The following ELOVL6 variants were observed in gnomAD, a reference collection of about 807,000 sequenced individuals.
ELOVL6 encodes very long chain fatty acid elongase 6.
In ELOVL6, 8 loss-of-function variants were observed where a neutral mutation model predicts 31.7. The observed-to-expected ratio is 0.25, with a 90% CI of 0.15 to 0.45. ELOVL6 has a LOEUF of 0.45. ELOVL6 is among the 20% of genes least tolerant of loss of function. The probability of loss-of-function intolerance (pLI) is 1.00; values close to 1 mark genes in which losing one functional copy is unlikely to be tolerated. For synonymous variants in ELOVL6, 101 were observed against 117.7 expected (o/e 0.86, Z 0.92); for missense variants, 126 against 326.4 (o/e 0.39, Z 4.73).
chr4:110,110,325 C>T (rs1242705182), intron 1 of ELOVL6, among the ~76,000 whole-genome samples: 1 of 151,462 alleles, frequency 6.6e-6, no homozygotes, highest in East Asian at 1.9e-4. Context: ...CTTAATTCTG[C>T]CACATTCTTA....
intron 1 of ELOVL6, among the ~76,000 whole-genome samples, chr4:110,168,638 T>C (rs116288030): frequency 5.9e-5 from 9 of 152,326 alleles, no homozygotes; most frequent in African/African-American, 1.9e-4. Context: ...CATATGCTTT[T>C]CAAAATATCA....
intron 2 of ELOVL6, among the ~76,000 whole-genome samples, chr4:110,087,034 G>A (rs1268452478): frequency 6.6e-6 from 1 of 152,052 alleles, no homozygotes; most frequent in African/African-American, 2.4e-5. Flanking sequence ...GAAATTTAGG[G>A]AAACACCTGT....
intron 1 of ELOVL6, among the ~76,000 whole-genome samples, chr4:110,175,527 A>G (rs1759077189): frequency 6.6e-6 from 1 of 152,234 alleles, no homozygotes. Flanking sequence ...CATCAATGAT[A>G]ACAACATAAC....
chr4:110,053,355 T>A (rs1754885890), intron 3 of ELOVL6, among the ~76,000 whole-genome samples: 1 of 152,178 alleles, frequency 6.6e-6, no homozygotes, highest in Non-Finnish European at 1.5e-5. Flanking sequence ...CTCAGCAAGG[T>A]CAAAGAATGC....
chr4:110,140,777 T>TTA (rs1757930367), intron 1 of ELOVL6, among the ~76,000 whole-genome samples: 1 of 150,574 alleles, frequency 6.6e-6, no homozygotes, highest in Non-Finnish European at 1.5e-5. Context: ...TATATTATTA[T>TTA]TATATATATA....
At chr4:110,132,699 G>A (rs1757703329) in intron 1 of ELOVL6, among the ~76,000 whole-genome samples, 1 of 152,076 alleles carries the variant, frequency 6.6e-6, no homozygotes, top group African/African-American at 2.4e-5. Flanking sequence ...AATTAGCTGA[G>A]TGTGGTCGTG....
intron 1 of ELOVL6, among the ~76,000 whole-genome samples, chr4:110,158,304 T>C (rs1390972323): frequency 6.6e-6 from 1 of 152,118 alleles, no homozygotes; most frequent in African/African-American, 2.4e-5. Flanking sequence ...GCACAGTCTA[T>C]AATTCAATAA....
intron 1 of ELOVL6, chr4:110,117,903 A>AAATATATATAT: frequency 9.2e-4 from 6 of 6,494 alleles, no homozygotes; most frequent in African/African-American, 2.0e-3. Context: ...AAAAAAAAAA[A>AAATATATATAT]ATATATATAT....
intron 1 of ELOVL6, among the ~76,000 whole-genome samples, chr4:110,169,949 C>T (rs1473879874): frequency 1.3e-5 from 2 of 150,816 alleles, no homozygotes; most frequent in Non-Finnish European, 2.9e-5. Context: ...GGACTAAAGG[C>T]GTGTGACACC....
intron 2 of ELOVL6, among the ~76,000 whole-genome samples, chr4:110,084,134 A>AATGATATATATGATATATATAACATATAT (rs1756049165): frequency 2.2e-5 from 1 of 45,960 alleles, no homozygotes; most frequent in African/African-American, 1.8e-4. Flanking sequence ...TATATGTGAT[A>AATGATATATATGATATATATAACATATAT]ATGATATATA....
chr4:110,084,394 G>GC (rs1756122423), intron 2 of ELOVL6, among the ~76,000 whole-genome samples: 1 of 41,162 alleles, frequency 2.4e-5, no homozygotes, highest in African/African-American at 7.6e-5. Context: ...TCGCATATAT[G>GC]ATATATGATA....
intron 1 of ELOVL6, among the ~76,000 whole-genome samples, chr4:110,190,324 G>T (rs1002517340): frequency 6.6e-6 from 1 of 152,042 alleles, no homozygotes; most frequent in East Asian, 1.9e-4. Context: ...ACTCAGCAAA[G>T]GGTTTCCTAG....
chr4:110,173,643 T>C (rs929071401), intron 1 of ELOVL6, among the ~76,000 whole-genome samples: 6 of 140,624 alleles, frequency 4.3e-5, no homozygotes, highest in African/African-American at 1.6e-4. Context: ...AGGTGGCCTT[T>C]TGCAGAACTA....
chr4:110,190,206 A>C (rs1198327752), intron 1 of ELOVL6, among the ~76,000 whole-genome samples: 2 of 152,150 alleles, frequency 1.3e-5, no homozygotes, highest in African/African-American at 2.4e-5. Context: ...TTATCTCAGC[A>C]AATTTATCTT....
intron 1 of ELOVL6, among the ~76,000 whole-genome samples, chr4:110,111,135 T>C (rs996806230): frequency 5.9e-4 from 90 of 152,314 alleles, no homozygotes; most frequent in African/African-American, 1.9e-3. Flanking sequence ...TAGAAGCAGA[T>C]TGGACACAGA....
chr4:110,100,595 T>C (rs544303152), intron 2 of ELOVL6, among the ~76,000 whole-genome samples: 88 of 152,336 alleles, frequency 5.8e-4, no homozygotes, highest in Non-Finnish European at 1.1e-3. Context: ...ACTGGGTCCC[T>C]GGCTACAGTT....
intron 2 of ELOVL6, among the ~76,000 whole-genome samples, chr4:110,095,778 C>G (rs545013054): frequency 1.3e-5 from 2 of 150,362 alleles, no homozygotes; most frequent in Admixed American, 1.3e-4. Context: ...TGTGAACTGA[C>G]AAAGACCATA....
At chr4:110,090,837 T>C (rs993291693) in intron 2 of ELOVL6, among the ~76,000 whole-genome samples, 1 of 152,008 alleles carries the variant, frequency 6.6e-6, no homozygotes, top group African/African-American at 2.4e-5. Context: ...TCTCCTGACT[T>C]TGCGATCCAC....
At chr4:110,140,957 G>GA (rs1163321626) in intron 1 of ELOVL6, among the ~76,000 whole-genome samples, 1 of 152,040 alleles carries the variant, frequency 6.6e-6, no homozygotes, top group Non-Finnish European at 1.5e-5. Flanking sequence ...CGTGGCTGGG[G>GA]AGGCCTCACA....
Sources: gnomAD v4.1 joint callset for allele counts (sites outside exome capture counted in the v4.1 genomes callset) on GRCh38, gnomAD v4.1.1 for gene constraint, MANE v1.5 for transcripts, NCBI Gene and HGNC (gene_info 2026-07-23, HGNC 2026-07-21) for gene names.